The following PGM5 variants were observed in gnomAD, a reference collection of about 807,000 sequenced individuals.
The protein encoded by PGM5 is phosphoglucomutase 5, also known as phosphoglucomutase-like protein 5.
PGM5 carries 23 observed loss-of-function variants against 59.2 expected under a neutral mutation model. That is an observed-to-expected ratio of 0.39 (90% CI 0.28 to 0.55). The LOEUF is 0.55. Ranked by LOEUF, PGM5 falls within the 20% of genes least tolerant of loss-of-function variation. The pLI, the probability that PGM5 is intolerant of heterozygous loss-of-function variation, is 0.66. For missense variants in PGM5, 574 were observed against 748.3 expected, an observed-to-expected ratio of 0.77 and a Z score of 2.72; for synonymous variants, 214 against 286.0, an observed-to-expected ratio of 0.75 and a Z score of 2.54.
At chr9:68,379,181 A>C (rs1212641087) in intron 2 of PGM5, among the ~76,000 whole-genome samples, 18 of 152,302 alleles carry the variant, frequency 1.2e-4, no homozygotes, top group African/African-American at 4.1e-4. Context: ...AATAATCCCC[A>C]AAATATTATT....
At chr9:68,403,860 C>T (rs1822737997) in intron 6 of PGM5, among the ~76,000 whole-genome samples, 1 of 152,152 alleles carries the variant, frequency 6.6e-6, no homozygotes, top group African/African-American at 2.4e-5. Context: ...TAATTTCAAC[C>T]CAATACATCT....
chr9:68,357,607 C>T lies in PGM5; in HGVS notation c.261+219C>T, dbSNP rs191819304. The stretch of plus-strand genomic sequence containing the variant: ...CTGGGTTCTATTAGTACCCACCGCC[C>T]CCAAAAGCCTTGAGGGGTTTCCGTC... On this transcript the variant is annotated intron_variant, in intron 1 of 10. Coordinates refer to ENST00000396396, the MANE Select transcript of PGM5 (RefSeq NM_021965.4). The T allele has an allele frequency of 0.015, 10,570 of 721,690 alleles. 173 individuals are homozygous for T. The African/African-American group carries it at 0.17, about 12-fold the overall frequency. 44.7% of individuals were successfully genotyped at this position (721,690 alleles called of 1,614,324 possible).
In PGM5 at chr9:68,384,541, A is replaced by G. The variant is rs373808377; in HGVS notation, c.568A>G (p.Arg190Gly). The G allele has an allele frequency of 2.4e-5, 38 of 1,603,394 alleles. No individual in the cohort carries two copies. The highest frequency in any genetic ancestry group is 3.2e-5 in the Non-Finnish European group (38 of 1,173,952). The change falls in exon 3 of 11, where the codon AGA (arginine) becomes GGA (glycine). Residue 190 changes from arginine (R) to glycine (G), a missense_variant. Arg to Gly is a moderately radical substitution (Grantham distance 125). Around this residue, in one of 7 missense-constraint regions of PGM5, gnomAD observed 103 missense variants for 112.4 expected, o/e 0.92. Coordinates refer to ENST00000396396, the MANE Select transcript of PGM5 (RefSeq NM_021965.4). ...FDLENKFKPF[R>G]VEIVDPVDIY... ...CCTAGAAAACAAATTCAAACCATTC[A>G]GAGGTAACAGAGATTTTATTTTGAA...
intron 2 of PGM5, among the ~76,000 whole-genome samples, chr9:68,381,405 C>A (rs1328825025): frequency 6.6e-6 from 1 of 151,744 alleles, no homozygotes; most frequent in Non-Finnish European, 1.5e-5. Flanking sequence ...ATAAGAAACC[C>A]ACAGCTAACA....
chr9:68,384,417 C>T lies in PGM5; in HGVS notation c.444C>T (p.Val148=). ...VANGGPAPDV[V]SDKIYQISKT... is the part of the protein sequence containing the mutation. ...TTTTAGGTCCTGCACCCGATGTTGT[C>T]TCAGACAAAATCTACCAAATCAGCA... The change falls in exon 3 of 11, where the codon GTC becomes GTT. Residue 148 remains valine (V), a synonymous_variant. Coordinates refer to ENST00000396396, the MANE Select transcript of PGM5 (RefSeq NM_021965.4). 1 of 1,606,908 alleles carries T rather than the reference C, an allele frequency of 6.2e-7. No individual in the cohort carries two copies. Among genetic ancestry groups the T allele is most frequent in the Non-Finnish European group, 8.5e-7 (1 of 1,174,766 alleles).
chr9:68,421,107 T>C (rs979332603), intron 6 of PGM5, among the ~76,000 whole-genome samples: 2 of 152,228 alleles, frequency 1.3e-5, no homozygotes, highest in African/African-American at 4.8e-5. Context: ...CACATGTCCA[T>C]GTCAGGGTAC....
chr9:68,474,214 G>T (rs1824067537), intron 7 of PGM5, among the ~76,000 whole-genome samples: 1 of 152,186 alleles, frequency 6.6e-6, no homozygotes, highest in Admixed American at 6.5e-5. Context: ...AATGTGCAGT[G>T]CAGGGTTGAA....
chr9:68,383,610 T>G (rs1383640735), intron 2 of PGM5, among the ~76,000 whole-genome samples: 2 of 151,784 alleles, frequency 1.3e-5, no homozygotes, highest in Non-Finnish European at 2.9e-5. Context: ...ACAAGTAAGA[T>G]TCATACAGAA....
chr9:68,472,101 C>G (rs1193120728), intron 7 of PGM5, among the ~76,000 whole-genome samples: 1 of 152,106 alleles, frequency 6.6e-6, no homozygotes, highest in Non-Finnish European at 1.5e-5. Context: ...TGGCTTGATG[C>G]CTCCTAAGTG....
At chr9:68,422,868 C>A (rs1823157997) in intron 6 of PGM5, among the ~76,000 whole-genome samples, 1 of 152,150 alleles carries the variant, frequency 6.6e-6, no homozygotes, top group African/African-American at 2.4e-5. Flanking sequence ...TTCTGTCTCT[C>A]ATCCCCTTCC....
chr9:68,463,492 G>A (rs562798027), intron 6 of PGM5, among the ~76,000 whole-genome samples: 2 of 152,214 alleles, frequency 1.3e-5, no homozygotes, highest in East Asian at 3.9e-4. Flanking sequence ...TAAGACATTT[G>A]AAGAGACAGG....
intron 6 of PGM5, among the ~76,000 whole-genome samples, chr9:68,438,313 AGAT>A (rs1259611004): frequency 6.7e-6 from 1 of 148,722 alleles, no homozygotes; most frequent in Non-Finnish European, 1.5e-5. Flanking sequence ...AAAAAAAAAA[AGAT>A]AGAATCTGAG....
In PGM5 at chr9:68,430,155, A is replaced by T. The variant is rs571725469; in HGVS notation, c.1044-34938A>T. On this transcript the variant is annotated intron_variant, in intron 6 of 10. Transcript: ENST00000396396. ...ATAGCTTTCAACTATTAATAATTTT[A>T]AAAATACATGGTTTCCTTTGTCTCC... 7.9e-5 allele frequency among the ~76,000 whole-genome samples: 12 copies of T among 152,386 alleles called. 1 individual carries two copies. The South Asian group carries it at 1.7e-3, about 21-fold the overall frequency.
chr9:68,399,430 A>G lies in PGM5; in HGVS notation c.1043+6957A>G, dbSNP rs545046575. ...TTGCCTGCTTCTCCAACCAGTCTCT[A>G]AATTCCTGCATCTTCAAATCCAGGC... On this transcript the variant is annotated intron_variant, in intron 6 of 10. Transcript: ENST00000396396. Among the ~76,000 whole-genome samples the G allele has an allele frequency of 3.3e-5, 5 of 152,334 alleles. No homozygotes were observed. The South Asian group carries it at 1.0e-3, about 32-fold the overall frequency.
At chr9:68,516,082 G>T (rs530261731) in intron 10 of PGM5, among the ~76,000 whole-genome samples, 49 of 152,284 alleles carry the variant, frequency 3.2e-4, no homozygotes, top group African/African-American at 1.1e-3. Context: ...GAAAACTTTG[G>T]CCCTGAGAAT....
chr9:68,411,769 C>A (rs1822939733), intron 6 of PGM5, among the ~76,000 whole-genome samples: 1 of 152,094 alleles, frequency 6.6e-6, no homozygotes, highest in South Asian at 2.1e-4. Context: ...ACAATAGAGG[C>A]AATGAGGATG....
At chr9:68,470,612 G>A (rs1554686161) in intron 7 of PGM5, among the ~76,000 whole-genome samples, 2 of 152,170 alleles carry the variant, frequency 1.3e-5, no homozygotes, top group Non-Finnish European at 2.9e-5. Context: ...TATCTGGATG[G>A]TTATTCCCTC....
chr9:68,457,932 G>A (rs2132074879), intron 6 of PGM5, among the ~76,000 whole-genome samples: 1 of 152,248 alleles, frequency 6.6e-6, no homozygotes, highest in Middle Eastern at 3.4e-3. Context: ...GAAGCCTGAA[G>A]GATAGCTGAC....
chr9:68,471,812 G>A (rs1554686256), intron 7 of PGM5, among the ~76,000 whole-genome samples: 1 of 151,942 alleles, frequency 6.6e-6, no homozygotes, highest in East Asian at 1.9e-4. Context: ...CCAGCTACTC[G>A]GGAGGTTGAG....
Sources: allele counts gnomAD v4.1 joint callset (sites outside exome capture counted in the v4.1 genomes callset), GRCh38; gene constraint gnomAD v4.1.1; regional missense constraint gnomAD v4.1.1; transcripts MANE v1.5; gene names NCBI Gene and HGNC (gene_info 2026-07-23, HGNC 2026-07-21).